The following CNNM2 variants were observed in gnomAD, a reference collection of about 807,000 sequenced individuals.
The protein encoded by CNNM2 is metal transporter CNNM2.
In CNNM2, 12 loss-of-function variants were observed where a neutral mutation model predicts 66.9. That is an observed-to-expected ratio of 0.18 (90% confidence interval 0.11 to 0.29). CNNM2 has a LOEUF of 0.29. Among genes scored for constraint, CNNM2 ranks in the 10% least tolerant of loss-of-function variants. CNNM2 has a pLI of 1.00. For synonymous variants in CNNM2, 557 were observed against 501.8 expected (o/e 1.11, Z -1.47); for missense variants, 705 against 1,167.7 (o/e 0.60, Z 5.77).
chr10:103,000,730 C>T (rs2064103206), intron 1 of CNNM2, among the ~76,000 whole-genome samples: 1 of 152,160 alleles, frequency 6.6e-6, no homozygotes, highest in African/African-American at 2.4e-5. Context: ...CAGGTATGTA[C>T]TACCATGCCC....
intron 1 of CNNM2, among the ~76,000 whole-genome samples, chr10:103,003,970 T>C (rs2064174116): frequency 2.0e-5 from 3 of 148,762 alleles, no homozygotes; most frequent in South Asian, 4.2e-4. Flanking sequence ...TGCTGAGTAG[T>C]ACTCCATTGC....
intron 1 of CNNM2, among the ~76,000 whole-genome samples, chr10:102,969,849 G>A (rs890415899): frequency 6.6e-6 from 1 of 151,492 alleles, no homozygotes; most frequent in African/African-American, 2.4e-5. Flanking sequence ...CTCCATGTTG[G>A]TCAGGCTGGT....
Position 103,079,629 on chromosome 10 carries a change from A to G in CNNM2, c.*2449A>G, listed in dbSNP as rs572052639. ...CGTGCTCGGTGTGATGGCTTCTTGC[A>G]AATTATTCTCTTATAAAAGAGCTCG... On this transcript the variant is annotated 3_prime_UTR_variant, in exon 8 of 8. Transcript: ENST00000369878. The G allele has an allele frequency of 6.6e-6, 1 of 152,334 alleles. No homozygotes were observed. Among genetic ancestry groups the G allele is most frequent in the African/African-American group, 2.4e-5 (1 of 41,564 alleles). The allele number at this position is 152,334 out of a possible 1,614,324, so 9.4% of individuals were successfully genotyped here.
At position 102,922,912 on chromosome 10, in the gene CNNM2, A is replaced by G. The variant is rs936453334; in HGVS notation, c.1621+2811A>G. Among the ~76,000 whole-genome samples, 5 of 150,048 alleles carry G rather than the reference A, an allele frequency of 3.3e-5. No homozygotes were observed. The South Asian group carries it at 1.1e-3, about 32-fold the overall frequency. ...AGCTGAGATGGTGCCATTGCACTAC[A>G]GCCTTGGGGACAAAGACCCTGTCTC... is the stretch of plus-strand genomic sequence containing the variant. On this transcript the variant is annotated intron_variant, in intron 1 of 7. Coordinates refer to ENST00000369878, the MANE Select transcript of CNNM2 (RefSeq NM_017649.5).
intron 1 of CNNM2, among the ~76,000 whole-genome samples, chr10:102,965,924 A>C (rs893376434): frequency 1.3e-5 from 2 of 152,044 alleles, no homozygotes; most frequent in Non-Finnish European, 2.9e-5. Flanking sequence ...ACAGTTCTTC[A>C]GGGGAAAAAA....
rs541278578 is a variant in CNNM2 at position 103,054,296 on chromosome 10, C to CT, written c.1766-24dup. 294 of 1,585,028 alleles carry CT rather than the reference C, an allele frequency of 1.9e-4. No homozygotes were observed. Among genetic ancestry groups the CT allele is most frequent in the Admixed American group, 4.0e-4 (23 of 57,666 alleles). On this transcript the variant is annotated intron_variant, in intron 2 of 7. Coordinates refer to ENST00000369878, the MANE Select transcript of CNNM2 (RefSeq NM_017649.5). The surrounding 1 kb of genome is among the most constrained non-coding windows in gnomAD (Gnocchi z 5.2). ...AGCCCTCATCTCATGGGATGCATTTCTTTTTTTTTCTCTCTTTTAATTCCT... is the reference window on the plus strand; with the variant it reads ...AGCCCTCATCTCATGGGATGCATTTCTTTTTTTTTTCTCTCTTTTAATTCCT...
chr10:103,017,963 C>CAAAAAAAAAAAA (rs59984156), intron 1 of CNNM2, among the ~76,000 whole-genome samples: 1,095 of 78,468 alleles, frequency 0.014, 50 homozygotes, highest in African/African-American at 0.037. Context: ...GAATCTGTCT[C>CAAAAAAAAAAAA]AAAAAAAAAA....
chr10:102,932,411 C>G (rs1846094483), intron 1 of CNNM2, among the ~76,000 whole-genome samples: 1 of 151,974 alleles, frequency 6.6e-6, no homozygotes, highest in Admixed American at 6.6e-5. Flanking sequence ...ATTGCCTAAT[C>G]CAAGGTCACA....
Position 102,988,305 on chromosome 10 carries a change from AAAT to A in CNNM2, c.1622-61394_1622-61392del, listed in dbSNP as rs538757777. ...GCAACAGAGCGAGGCTGTTTCAAAAAAATAATAATAGAAATATTGAAAAGGCGT... is the reference window on the plus strand; with the variant it reads ...GCAACAGAGCGAGGCTGTTTCAAAAAAATAATAGAAATATTGAAAAGGCGT... On this transcript the variant is annotated intron_variant, in intron 1 of 7. Coordinates refer to ENST00000369878, the MANE Select transcript of CNNM2 (RefSeq NM_017649.5). 7.4e-4 allele frequency among the ~76,000 whole-genome samples: 113 copies of A among 152,204 alleles called. 1 individual carries two copies. The highest frequency in any genetic ancestry group is 2.6e-3 in the African/African-American group (108 of 41,522).
At chr10:102,953,291 C>T (rs748392740) in intron 1 of CNNM2, among the ~76,000 whole-genome samples, 1 of 152,190 alleles carries the variant, frequency 6.6e-6, no homozygotes, top group African/African-American at 2.4e-5. Flanking sequence ...GAGTCTCACT[C>T]TGTCGCCCAG....
chr10:103,048,941 G>A (rs907075917), intron 1 of CNNM2, among the ~76,000 whole-genome samples: 7 of 151,930 alleles, frequency 4.6e-5, no homozygotes, highest in Admixed American at 6.6e-5. Context: ...CTGCAGCCTC[G>A]AACTCCTGGA....
chr10:102,994,922 T>G (rs2134246662), intron 1 of CNNM2, among the ~76,000 whole-genome samples: 1 of 152,272 alleles, frequency 6.6e-6, no homozygotes, highest in African/African-American at 2.4e-5. Flanking sequence ...TCTTGAGCCT[T>G]CATGGTACAG....
chr10:103,076,586 C>T (rs981866081), intron 7 of CNNM2, among the ~76,000 whole-genome samples: 1 of 152,226 alleles, frequency 6.6e-6, no homozygotes, highest in Non-Finnish European at 1.5e-5. Flanking sequence ...GGCTCCCTGC[C>T]TGGCCCTGGG....
At position 103,089,175 on chromosome 10, in the gene CNNM2, ACTTGAC is replaced by A; in HGVS notation, c.*11999_*12004del. ...ATGAATTAAAGGCTTATAAAAGAAA[ACTTGAC>A]CTTAACAGAGACTACATTTGATCAT... On this transcript the variant is annotated 3_prime_UTR_variant, in exon 8 of 8. Coordinates refer to ENST00000369878, the MANE Select transcript of CNNM2 (RefSeq NM_017649.5). 4.4e-6 allele frequency: 1 copy of A among 225,084 alleles called. No individual in the cohort carries two copies. The highest frequency in any genetic ancestry group is 2.2e-5 in the African/African-American group (1 of 45,066). The allele number at this position is 225,084 out of a possible 1,614,324, so 13.9% of individuals were successfully genotyped here. A position where few individuals can be genotyped will look rare whatever the true frequency, so the allele number is the denominator to read the frequency against.
rs148193315 is a variant in CNNM2, at chr10:102,971,736, A to C, written c.1621+51635A>C. ...TCTACCATAATCTACTTAACTGTTGATGAAGTTTAAGGTTTTTGCTTATGT... is the reference window on the plus strand; with the variant it reads ...TCTACCATAATCTACTTAACTGTTGCTGAAGTTTAAGGTTTTTGCTTATGT... On this transcript the variant is annotated intron_variant, in intron 1 of 7. Transcript: ENST00000369878. Among the ~76,000 whole-genome samples the C allele has an allele frequency of 2.3e-3, 345 of 152,200 alleles. 4 individuals are homozygous for C. The highest frequency in any genetic ancestry group is 7.9e-3 in the African/African-American group (327 of 41,534).
chr10:103,068,280 C>T (rs1273181704), intron 4 of CNNM2, among the ~76,000 whole-genome samples: 1 of 126,334 alleles, frequency 7.9e-6, no homozygotes, highest in African/African-American at 2.7e-5. Context: ...GAGGCCAAGA[C>T]AGTGAGACAG....
intron 1 of CNNM2, among the ~76,000 whole-genome samples, chr10:103,045,516 T>C (rs1299494642): frequency 6.6e-6 from 1 of 152,194 alleles, no homozygotes; most frequent in East Asian, 1.9e-4. Context: ...ATTTTTAATG[T>C]GGCTGGTTGT....
chr10:102,956,830 G>A (rs1847058913), intron 1 of CNNM2, among the ~76,000 whole-genome samples: 1 of 152,104 alleles, frequency 6.6e-6, no homozygotes, highest in Admixed American at 6.6e-5. Flanking sequence ...TGTGGTGGGG[G>A]GCAGGGGGAG....
intron 1 of CNNM2, among the ~76,000 whole-genome samples, chr10:103,014,041 A>G (rs2064394746): frequency 6.6e-6 from 1 of 152,198 alleles, no homozygotes; most frequent in African/African-American, 2.4e-5. Flanking sequence ...GTATTTTCTG[A>G]CTGTATAAAA....
Sources: allele counts gnomAD v4.1 joint callset (sites outside exome capture counted in the v4.1 genomes callset), GRCh38; gene constraint gnomAD v4.1.1; non-coding constraint Gnocchi (gnomAD v3.1); transcripts MANE v1.5; gene names NCBI Gene and HGNC (gene_info 2026-07-23, HGNC 2026-07-21).